Variants in AQP7B observed in about 807,000 individuals in gnomAD.
AQP7B encodes the protein aquaporin 7B.
the AQP7B span, chr2:94,595,015 G>T: frequency 1.1e-4 from 59 of 556,740 alleles, no homozygotes; most frequent in African/African-American, 1.1e-3. Flanking sequence ...AAAGTAAGGA[G>T]TGGGGGCTTT....
At chr2:94,604,517 T>A in the AQP7B span, 2 of 1,610,344 alleles carry the variant, frequency 1.2e-6, no homozygotes, top group Non-Finnish European at 1.7e-6. Context: ...TGCCAACAGA[T>A]CTTCAGTCCA....
At chr2:94,594,551 C>T in the AQP7B span, among the ~76,000 whole-genome samples, 1 of 152,210 alleles carries the variant, frequency 6.6e-6, no homozygotes. Context: ...GGCCATCTAC[C>T]CCAGTTCCTC....
the AQP7B span, among the ~76,000 whole-genome samples, chr2:94,596,288 A>G: frequency 1.3e-5 from 2 of 152,206 alleles, no homozygotes; most frequent in Non-Finnish European, 2.9e-5. Flanking sequence ...CACCTGCTTC[A>G]GCCCTGCCAC....
the AQP7B span, among the ~76,000 whole-genome samples, chr2:94,593,009 G>A: frequency 2.0e-5 from 3 of 150,620 alleles, no homozygotes; most frequent in Non-Finnish European, 3.0e-5. Flanking sequence ...TTTTTTTTTC[G>A]TAGAGATGAG....
chr2:94,601,232 C>T, the AQP7B span, among the ~76,000 whole-genome samples: 1 of 152,244 alleles, frequency 6.6e-6, no homozygotes, highest in Non-Finnish European at 1.5e-5. Context: ...GATTACCCAT[C>T]TGTCAAGTAG....
chr2:94,601,207 G>A, the AQP7B span, among the ~76,000 whole-genome samples: 1 of 152,214 alleles, frequency 6.6e-6, no homozygotes, highest in African/African-American at 2.4e-5. Context: ...AGCCATTCAA[G>A]TTCTCTAAGC....
chr2:94,600,876 C>CAAA, the AQP7B span, among the ~76,000 whole-genome samples: 14 of 84,604 alleles, frequency 1.7e-4, no homozygotes, highest in East Asian at 1.3e-3. Context: ...AAGACTGTCT[C>CAAA]AAAAAAAAAA....
the AQP7B span, among the ~76,000 whole-genome samples, chr2:94,587,724 G>A: frequency 6.6e-6 from 1 of 152,102 alleles, no homozygotes; most frequent in South Asian, 2.1e-4. Context: ...GGGGTGGGAC[G>A]AAGAGAGAGC....
chr2:94,603,222 T>A, the AQP7B span: 20 of 1,439,142 alleles, frequency 1.4e-5, no homozygotes, highest in Non-Finnish European at 1.9e-5. Flanking sequence ...CCGCCTCCTA[T>A]GAAATATGGG....
chr2:94,596,223 T>C, the AQP7B span, among the ~76,000 whole-genome samples: 1 of 152,190 alleles, frequency 6.6e-6, no homozygotes, highest in African/African-American at 2.4e-5. Flanking sequence ...TCTTCTTTAG[T>C]GTGTGATTGG....
the AQP7B span, chr2:94,594,726 C>T: frequency 1.3e-6 from 2 of 1,513,804 alleles, no homozygotes; most frequent in Non-Finnish European, 1.8e-6. Flanking sequence ...TGTCCCTGGG[C>T]TCGGGCCACT....
At chr2:94,597,621 T>TG in the AQP7B span, among the ~76,000 whole-genome samples, 3 of 151,562 alleles carry the variant, frequency 2.0e-5, no homozygotes, top group African/African-American at 7.3e-5. Flanking sequence ...TGTTTTTTTT[T>TG]TTTTGTTTTT....
chr2:94,590,039 C>A, the AQP7B span, among the ~76,000 whole-genome samples: 1 of 152,202 alleles, frequency 6.6e-6, no homozygotes, highest in African/African-American at 2.4e-5. Flanking sequence ...CCCATGCCTC[C>A]CCTGAGCTCC....
At chr2:94,598,223 A>AAT in the AQP7B span, among the ~76,000 whole-genome samples, 2 of 152,066 alleles carry the variant, frequency 1.3e-5, no homozygotes, top group African/African-American at 4.8e-5. Context: ...TTTTTTTAAA[A>AAT]ATATATATAT....
chr2:94,587,502 G>A, the AQP7B span, among the ~76,000 whole-genome samples: 1 of 152,192 alleles, frequency 6.6e-6, no homozygotes, highest in Admixed American at 6.5e-5. Context: ...CAGTGAGGAG[G>A]TGACTGAGGG....
chr2:94,593,771 C>A, the AQP7B span, among the ~76,000 whole-genome samples: 1 of 152,054 alleles, frequency 6.6e-6, no homozygotes, highest in Non-Finnish European at 1.5e-5. Flanking sequence ...TAGGCGTGAG[C>A]TACCGGGCCC....
chr2:94,601,984 C>T, the AQP7B span, among the ~76,000 whole-genome samples: 6 of 151,360 alleles, frequency 4.0e-5, no homozygotes, highest in African/African-American at 7.3e-5. Context: ...ACAGTTAGGG[C>T]CCCACTGTTC....
the AQP7B span, among the ~76,000 whole-genome samples, chr2:94,601,226 A>T: frequency 2.6e-5 from 4 of 152,206 alleles, no homozygotes; most frequent in Non-Finnish European, 5.9e-5. Context: ...GCTTCAGATT[A>T]CCCATCTGTC....
At chr2:94,590,944 C>CAAAAAAAAAAAAA in the AQP7B span, among the ~76,000 whole-genome samples, 1 of 49,086 alleles carries the variant, frequency 2.0e-5, no homozygotes, top group Non-Finnish European at 3.7e-5. Context: ...GACCCTGTCT[C>CAAAAAAAAAAAAA]AAAAAAAAAA....
Sources: allele counts gnomAD v4.1 joint callset (sites outside exome capture counted in the v4.1 genomes callset), GRCh38; gene constraint gnomAD v4.1.1; transcripts MANE v1.5; gene names NCBI Gene and HGNC (gene_info 2026-07-23, HGNC 2026-07-21).